The following NTM variants were observed in gnomAD, a reference collection of about 807,000 sequenced individuals.
The protein encoded by NTM is neurotrimin, also known as IgLON family member 2.
NTM carries 13 observed loss-of-function variants against 42.1 expected under a neutral mutation model. The observed-to-expected ratio is 0.31, with a 90% CI of 0.20 to 0.49. The LOEUF is 0.49. NTM is among the 20% of genes least tolerant of loss of function. The probability of loss-of-function intolerance (pLI) is 0.99; values close to 1 mark genes in which losing one functional copy is unlikely to be tolerated. For synonymous variants in NTM, 187 were observed against 179.2 expected, an observed-to-expected ratio of 1.04 and a Z score of -0.35; for missense variants, 373 against 452.8, an observed-to-expected ratio of 0.82 and a Z score of 1.60.
chr11:131,923,045 A>C (rs1171839560), intron 2 of NTM, among the ~76,000 whole-genome samples: 6 of 147,016 alleles, frequency 4.1e-5, no homozygotes, highest in East Asian at 2.3e-4. Context: ...TCATGCATCT[A>C]CTCCAGTACC....
chr11:132,121,332 C>T (rs2064785826), intron 2 of NTM, among the ~76,000 whole-genome samples: 1 of 151,798 alleles, frequency 6.6e-6, no homozygotes, highest in African/African-American at 2.4e-5. Context: ...AAATATAAAA[C>T]AAAATGCATA....
chr11:131,986,027 C>T (rs904577130), intron 2 of NTM, among the ~76,000 whole-genome samples: 1 of 152,182 alleles, frequency 6.6e-6, no homozygotes, highest in African/African-American at 2.4e-5. Flanking sequence ...GTTATTTCCC[C>T]TCTGAATTGG....
intron 1 of NTM, among the ~76,000 whole-genome samples, chr11:131,455,243 A>G (rs1950781169): frequency 6.6e-6 from 1 of 152,172 alleles, no homozygotes; most frequent in Non-Finnish European, 1.5e-5. Flanking sequence ...TGGGTTCATA[A>G]GGCTTGGCCA....
chr11:131,684,143 C>T (rs2073453945), intron 1 of NTM, among the ~76,000 whole-genome samples: 1 of 152,268 alleles, frequency 6.6e-6, no homozygotes, highest in South Asian at 2.1e-4. Flanking sequence ...CTGGATTTTG[C>T]TGTGGGAGTG....
chr11:131,577,285 G>A (rs1371745313), intron 1 of NTM, among the ~76,000 whole-genome samples: 1 of 152,060 alleles, frequency 6.6e-6, no homozygotes, highest in Non-Finnish European at 1.5e-5. Context: ...CAGATAGCTT[G>A]AAAAAAATGA....
intron 2 of NTM, among the ~76,000 whole-genome samples, chr11:131,914,502 T>G (rs911925206): frequency 6.6e-6 from 1 of 152,204 alleles, no homozygotes; most frequent in Non-Finnish European, 1.5e-5. Flanking sequence ...CTAATTTCAT[T>G]TTATTCTGCT....
rs139215689 is a variant in NTM at position 131,985,497 on chromosome 11, C to G, written c.167+73849C>G. On this transcript the variant is annotated intron_variant, in intron 2 of 8. Transcript: ENST00000683400. ...CCTTTGCCCATGCAACAGTGCAACA[C>G]CGTGCTACTGGCAACCACGGGTGTC... is the stretch of plus-strand genomic sequence containing the variant. Among the ~76,000 whole-genome samples the G allele has an allele frequency of 3.6e-3, 553 of 152,304 alleles. 11 individuals are homozygous for G. In the East Asian group the frequency reaches 0.048, roughly 13 times the overall value.
At chr11:131,759,184 G>T (rs2083758344) in intron 1 of NTM, among the ~76,000 whole-genome samples, 1 of 152,244 alleles carries the variant, frequency 6.6e-6, no homozygotes, top group Admixed American at 6.5e-5. Context: ...GCATAGGCAG[G>T]ATTGGAGTCA....
intron 1 of NTM, among the ~76,000 whole-genome samples, chr11:131,704,297 A>G (rs1334574128): frequency 6.6e-6 from 1 of 152,140 alleles, no homozygotes; most frequent in African/African-American, 2.4e-5. Context: ...ATCCATGGGG[A>G]CCAAGGCTCT....
chr11:132,028,245 G>GTT (rs200489405), intron 2 of NTM, among the ~76,000 whole-genome samples: 19 of 132,206 alleles, frequency 1.4e-4, no homozygotes, highest in Middle Eastern at 4.2e-3. Flanking sequence ...CTTCCAGCTG[G>GTT]TTTTTTTTTT....
chr11:131,742,250 A>G (rs73593025), intron 1 of NTM, among the ~76,000 whole-genome samples: 1 of 152,344 alleles, frequency 6.6e-6, no homozygotes, highest in African/African-American at 2.4e-5. Context: ...ATAAAAGAAT[A>G]CATAAACTCA....
chr11:131,505,054 T>C (rs1340673635), intron 1 of NTM, among the ~76,000 whole-genome samples: 3 of 152,044 alleles, frequency 2.0e-5, no homozygotes, highest in Admixed American at 6.5e-5. Context: ...GAAAGAGGTG[T>C]GGTCTCAGAG....
At chr11:132,089,123 A>G (rs980128223) in intron 2 of NTM, among the ~76,000 whole-genome samples, 1 of 152,186 alleles carries the variant, frequency 6.6e-6, no homozygotes, top group Non-Finnish European at 1.5e-5. Context: ...TTCTCAAAAC[A>G]CTCTCATAGT....
intron 7 of NTM, among the ~76,000 whole-genome samples, chr11:132,315,278 G>C (rs184857379): frequency 2.0e-5 from 3 of 152,194 alleles, no homozygotes; most frequent in African/African-American, 7.2e-5. Flanking sequence ...TCTGGCTACT[G>C]TATTGATATC....
At chr11:131,922,733 G>T (rs573276708) in intron 2 of NTM, among the ~76,000 whole-genome samples, 6 of 152,228 alleles carry the variant, frequency 3.9e-5, no homozygotes, top group Admixed American at 3.9e-4. Context: ...TTTATTATCT[G>T]CCTGGCAGCC....
intron 1 of NTM, among the ~76,000 whole-genome samples, chr11:131,377,410 G>A (rs908271694): frequency 1.3e-5 from 2 of 152,126 alleles, no homozygotes; most frequent in Admixed American, 1.3e-4. Context: ...GAACTGGAGG[G>A]CCAAGAAGAT....
At chr11:132,006,144 G>T (rs1240548955) in intron 2 of NTM, among the ~76,000 whole-genome samples, 1 of 152,040 alleles carries the variant, frequency 6.6e-6, no homozygotes, top group South Asian at 2.1e-4. Context: ...AGAGTGCTTG[G>T]TGTTCGCATT....
At chr11:132,243,872 C>T (rs536534989) in intron 4 of NTM, among the ~76,000 whole-genome samples, 1 of 152,138 alleles carries the variant, frequency 6.6e-6, no homozygotes, top group African/African-American at 2.4e-5. Flanking sequence ...GCAGCATGGC[C>T]CTGAGCCCTC....
intron 1 of NTM, among the ~76,000 whole-genome samples, chr11:131,561,397 C>T (rs1255209503): frequency 1.3e-5 from 2 of 152,158 alleles, no homozygotes; most frequent in Non-Finnish European, 2.9e-5. Flanking sequence ...AATTTCCATT[C>T]AAAAATTTCC....
Sources: gnomAD v4.1 joint callset for allele counts (sites outside exome capture counted in the v4.1 genomes callset) on GRCh38, gnomAD v4.1.1 for gene constraint, MANE v1.5 for transcripts, NCBI Gene and HGNC (gene_info 2026-07-23, HGNC 2026-07-21) for gene names.